Variants in KIAA0825 observed in about 807,000 individuals in gnomAD.
KIAA0825 encodes the protein KIAA0825.
In KIAA0825, 119 loss-of-function variants were observed where a neutral mutation model predicts 147.6. That is an observed-to-expected ratio of 0.81 (90% CI 0.69 to 0.94). The LOEUF (loss-of-function observed/expected upper bound fraction) is 0.94, where lower values mean the gene tolerates loss of function less well. Ranked by LOEUF, KIAA0825 falls within the 40% of genes least tolerant of loss-of-function variation. KIAA0825 has a pLI of 0.00. For missense variants in KIAA0825, 1,381 were observed against 1,472.7 expected (o/e 0.94, Z 1.02); for synonymous variants, 470 against 518.1 (o/e 0.91, Z 1.26).
At chr5:94,592,390 C>T (rs1784503956) in intron 1 of KIAA0825, among the ~76,000 whole-genome samples, 1 of 152,130 alleles carries the variant, frequency 6.6e-6, no homozygotes, top group Admixed American at 6.5e-5. Context: ...AAATAGGTGA[C>T]TTCTGCAGTG....
chr5:94,188,467 G>A (rs193127449), intron 20 of KIAA0825, among the ~76,000 whole-genome samples: 89 of 152,040 alleles, frequency 5.9e-4, no homozygotes, highest in Non-Finnish European at 8.8e-4. Context: ...TTCCCAGTTC[G>A]GCTATGCTTT....
At chr5:94,537,339 T>A (rs547303474) in intron 2 of KIAA0825, among the ~76,000 whole-genome samples, 27 of 152,264 alleles carry the variant, frequency 1.8e-4, no homozygotes, top group African/African-American at 6.5e-4. Context: ...GTGACCTAAT[T>A]TTCGCACTTC....
chr5:94,495,244 A>C (rs1276065898), intron 5 of KIAA0825, among the ~76,000 whole-genome samples: 1 of 152,228 alleles, frequency 6.6e-6, no homozygotes, highest in Non-Finnish European at 1.5e-5. Context: ...GAGGTAGAGA[A>C]GACGTGTCTC....
At chr5:94,158,109 A>G (rs1215410590) in intron 20 of KIAA0825, among the ~76,000 whole-genome samples, 1 of 152,128 alleles carries the variant, frequency 6.6e-6, no homozygotes, top group East Asian at 1.9e-4. Flanking sequence ...ATGAATGTAA[A>G]CTTCCTAGAT....
chr5:94,371,941 G>A (rs1389223559), intron 20 of KIAA0825, among the ~76,000 whole-genome samples: 2 of 152,156 alleles, frequency 1.3e-5, no homozygotes, highest in African/African-American at 4.8e-5. Context: ...TACAATGGGG[G>A]TACAGGCATT....
chr5:94,609,797 G>A (rs542694215), intron 1 of KIAA0825, among the ~76,000 whole-genome samples: 1 of 152,036 alleles, frequency 6.6e-6, no homozygotes, highest in Admixed American at 6.6e-5. Context: ...CTGGGCAAGA[G>A]AGCCAGATTT....
At chr5:94,470,289 G>A (rs1217744247) in intron 9 of KIAA0825, among the ~76,000 whole-genome samples, 178 bp from the exon 10 acceptor site, 1 of 152,082 alleles carries the variant, frequency 6.6e-6, no homozygotes, top group East Asian at 1.9e-4. Flanking sequence ...AAAAAAGCTG[G>A]TCTTTGTTTT....
intron 8 of KIAA0825, 145 bp from the exon 9 acceptor site, chr5:94,471,876 G>T: frequency 1.4e-6 from 1 of 732,014 alleles, no homozygotes; most frequent in African/African-American, 1.8e-5. Flanking sequence ...CGATTTCTCA[G>T]TTGTAGAAAG....
intron 20 of KIAA0825, among the ~76,000 whole-genome samples, chr5:94,304,502 T>G (rs945966334): frequency 2.0e-5 from 3 of 152,022 alleles, no homozygotes; most frequent in African/African-American, 7.2e-5. Context: ...TGTTCACAGA[T>G]CAGAAGACTC....
chr5:94,564,373 A>T (rs1052135051), intron 2 of KIAA0825, among the ~76,000 whole-genome samples: 11 of 137,664 alleles, frequency 8.0e-5, no homozygotes, highest in Admixed American at 4.3e-4. Context: ...CACCATGCCT[A>T]ATTTTTGAAT....
chr5:94,509,802 G>T (rs1038463042), intron 5 of KIAA0825, among the ~76,000 whole-genome samples: 6 of 152,054 alleles, frequency 3.9e-5, no homozygotes, highest in African/African-American at 1.2e-4. Flanking sequence ...TCTCTTCAGG[G>T]TCCAGCCTCC....
intron 16 of KIAA0825, among the ~76,000 whole-genome samples, chr5:94,402,941 G>C (rs1254980366): frequency 6.6e-6 from 1 of 152,054 alleles, no homozygotes; most frequent in Non-Finnish European, 1.5e-5. Flanking sequence ...TTTAAGAAGA[G>C]AGGACTTGAC....
At chr5:94,376,533 C>T (rs1013402959) in intron 20 of KIAA0825, among the ~76,000 whole-genome samples, 1 of 152,136 alleles carries the variant, frequency 6.6e-6, no homozygotes, top group African/African-American at 2.4e-5. Context: ...TGTACCAATT[C>T]CCTTAGCCCT....
At chr5:94,326,196 T>A (rs558350697) in intron 20 of KIAA0825, among the ~76,000 whole-genome samples, 1 of 152,262 alleles carries the variant, frequency 6.6e-6, no homozygotes, top group East Asian at 1.9e-4. Context: ...TTGTTCTGTC[T>A]CAATAAAAAA....
chr5:94,609,975 A>G (rs1426326867), intron 1 of KIAA0825, among the ~76,000 whole-genome samples: 1 of 152,232 alleles, frequency 6.6e-6, no homozygotes, highest in African/African-American at 2.4e-5. Flanking sequence ...TCCGATGGCT[A>G]GCATGAATAT....
chr5:94,279,123 G>A (rs1777348973), intron 20 of KIAA0825, among the ~76,000 whole-genome samples: 1 of 151,944 alleles, frequency 6.6e-6, no homozygotes, highest in African/African-American at 2.4e-5. Flanking sequence ...TTAGTAACAG[G>A]CTGTAGGAAA....
At chr5:94,390,352 C>T (rs1006423142) in intron 18 of KIAA0825, among the ~76,000 whole-genome samples, 7 of 152,118 alleles carry the variant, frequency 4.6e-5, no homozygotes, top group Non-Finnish European at 1.0e-4. Context: ...TTGGCCAATC[C>T]GAATGGCCAA....
intron 20 of KIAA0825, among the ~76,000 whole-genome samples, chr5:94,235,958 T>G (rs1775018813): frequency 6.6e-6 from 1 of 152,214 alleles, no homozygotes; most frequent in South Asian, 2.1e-4. Flanking sequence ...AACTTACTGC[T>G]CCTTGAAACA....
intron 20 of KIAA0825, among the ~76,000 whole-genome samples, chr5:94,169,951 T>C (rs1402316992): frequency 6.6e-6 from 1 of 152,174 alleles, no homozygotes; most frequent in Admixed American, 6.5e-5. Context: ...GCCAGGATTC[T>C]AACCCAAGCA....
Sources: allele counts gnomAD v4.1 joint callset (sites outside exome capture counted in the v4.1 genomes callset), GRCh38; gene constraint gnomAD v4.1.1; transcripts MANE v1.5; gene names NCBI Gene and HGNC (gene_info 2026-07-23, HGNC 2026-07-21).